ZNF467: variants seen among roughly 807,000 people sequenced by gnomAD.
ZNF467 encodes the protein zinc finger protein EZI.
A neutral mutation model predicts 47.8 loss-of-function variants in ZNF467; 51 were observed. The observed-to-expected ratio is 1.07, with a 90% CI of 0.85 to 1.35. ZNF467 has a LOEUF of 1.35. Among genes scored for constraint, ZNF467 ranks in the 40% most tolerant of loss-of-function variants. The pLI, the probability that ZNF467 is intolerant of heterozygous loss-of-function variation, is 0.00. For synonymous variants in ZNF467, 416 were observed against 372.9 expected (o/e 1.12, Z -1.33); for missense variants, 992 against 858.1 (o/e 1.16, Z -1.95).
At chr7:149,771,659 C>T (rs1490183931) in intron 1 of ZNF467, among the ~76,000 whole-genome samples, 2 of 152,010 alleles carry the variant, frequency 1.3e-5, no homozygotes, top group South Asian at 4.1e-4. Flanking sequence ...GCCCAAGGCC[C>T]GGACACCGCC....
chr7:149,772,851 AC>A (rs1799469234), intron 1 of ZNF467, among the ~76,000 whole-genome samples: 1 of 40,980 alleles, frequency 2.4e-5, no homozygotes, highest in Admixed American at 2.9e-4. Context: ...CTCCCGCCCG[AC>A]CCCCTCCCAG....
Position 149,766,074 on chromosome 7 carries a change from G to A in ZNF467, c.428C>T (p.Ala143Val), listed in dbSNP as rs1419548864. 6.2e-7 allele frequency: 1 copy of A among 1,609,542 alleles called. No homozygotes were observed. The highest frequency in any genetic ancestry group is 1.7e-5 in the Admixed American group (1 of 59,508). The part of the protein sequence containing the change: ...AYKLEPGAPG[A>V]LSGLALSGWG... ...CCCAGACAGCGCGAGCCCACTCAGT[G>A]CCCCCGGGGCCCCTGGCTCCAGTTT... The change falls in exon 5 of 5, where the codon GCA (alanine) becomes GTA (valine). Residue 143 changes from alanine (A) to valine (V), a missense_variant. By Grantham distance (64) the Ala-to-Val change is moderately conservative. Coordinates refer to ENST00000302017, the MANE Select transcript of ZNF467 (RefSeq NM_207336.3).
Position 149,770,607 on chromosome 7 carries a change from G to A in ZNF467, c.35-51C>T, listed in dbSNP as rs759744215. 8 of 1,484,838 alleles carry A rather than the reference G, an allele frequency of 5.4e-6. No individual in the cohort carries two copies. In the South Asian group the frequency reaches 9.7e-5, roughly 18 times the overall value. The allele number at this position is 1,484,838 out of a possible 1,614,324, so 92.0% of individuals were successfully genotyped here. On this transcript the variant is annotated intron_variant, in intron 2 of 4. Coordinates refer to ENST00000302017, the MANE Select transcript of ZNF467 (RefSeq NM_207336.3). The stretch of plus-strand genomic sequence containing the variant: ...AAGTAAAGCATCCAGTACAGAACAA[G>A]TAATCAGAGGCGGGGGCTGTTCCCC...
At chr7:149,770,076 C>G (rs1041741421) in intron 3 of ZNF467, among the ~76,000 whole-genome samples, 32 of 151,684 alleles carry the variant, frequency 2.1e-4, no homozygotes, top group African/African-American at 7.3e-4. Context: ...CCACCCCCAC[C>G]TGCAGCTGTC....
At chr7:149,775,756 A>ACACACACAC (rs1799557180), upstream of ZNF467, among the ~76,000 whole-genome samples, 1 of 136,074 alleles carries the variant, frequency 7.3e-6, no homozygotes, top group African/African-American at 2.8e-5. Flanking sequence ...CACACACACA[A>ACACACACAC]AGGGAAACAG....
chr7:149,766,299 C>T (rs1799219245), intron 4 of ZNF467, 60 bp from the exon 5 acceptor site: 3 of 1,508,090 alleles, frequency 2.0e-6, no homozygotes, highest in Non-Finnish European at 2.7e-6. Context: ...TCTATTTAAC[C>T]ACAGGATCTC....
At position 149,766,994 on chromosome 7, in the gene ZNF467, C is replaced by T. The variant is rs369052422; in HGVS notation, c.263-755G>A. The stretch of plus-strand genomic sequence containing the variant: ...AAACAGGGAAGGCCCTCTAGGGAAG[C>T]CTCAGCCTAAGGGCAGGTTGCAGGG... On this transcript the variant is annotated intron_variant, in intron 4 of 4. Coordinates refer to ENST00000302017, the MANE Select transcript of ZNF467 (RefSeq NM_207336.3). 2.3e-3 allele frequency among the ~76,000 whole-genome samples: 351 copies of T among 152,298 alleles called. 4 individuals carry two copies. In the South Asian group the frequency reaches 0.03, roughly 13 times the overall value.
upstream of ZNF467, chr7:149,776,449 G>C (rs747290091): frequency 1.5e-6 from 2 of 1,344,602 alleles, no homozygotes; most frequent in African/African-American, 3.0e-5. Context: ...CAGCCGCCTG[G>C]GCTGGCGGCT....
Position 149,765,398 on chromosome 7 carries a change from CT to C in ZNF467, c.1103del (p.Lys368ArgfsTer163). The C allele has an allele frequency of 1.3e-6, 2 of 1,570,474 alleles. No homozygotes were observed. The highest frequency in any genetic ancestry group is 1.9e-5 in the Admixed American group (1 of 53,052). ...SDCGLSFGWK[K>X]NLATHQCLHR... ...GCAGACACTGGTGCGTGGCGAGGTT[CT>C]TTTTCCAGCCGAAGCTCAAGCCGCA... On this transcript the variant is annotated frameshift_variant, in exon 5 of 5. Transcript: ENST00000302017. LOFTEE classifies it high-confidence loss of function.
chr7:149,776,134 C>T (rs746919361), upstream of ZNF467: 27 of 1,332,554 alleles, frequency 2.0e-5, no homozygotes, highest in Middle Eastern at 8.5e-4. Flanking sequence ...GGTCCTCCTT[C>T]TGCCGCATGC....
upstream of ZNF467, among the ~76,000 whole-genome samples, chr7:149,775,125 G>A (rs1054892781): frequency 6.6e-6 from 1 of 152,094 alleles, no homozygotes; most frequent in African/African-American, 2.4e-5. Flanking sequence ...CTGCCCCAGG[G>A]CTGGGGGAGC....
At chr7:149,774,250 C>T (rs1164139490), upstream of ZNF467, among the ~76,000 whole-genome samples, 1 of 152,188 alleles carries the variant, frequency 6.6e-6, no homozygotes, top group African/African-American at 2.4e-5. The surrounding 1 kb of genome is among the most constrained non-coding windows in gnomAD (Gnocchi z 5.7). Context: ...CTCGCCCTCC[C>T]TGCCCAGGTT....
chr7:149,775,403 G>A (rs1299301048), upstream of ZNF467, among the ~76,000 whole-genome samples: 5 of 152,148 alleles, frequency 3.3e-5, no homozygotes, highest in Non-Finnish European at 7.3e-5. Flanking sequence ...AGAGAGGGGC[G>A]GGAGGCAGGG....
Position 149,764,340 on chromosome 7 carries a change from A to C in ZNF467, c.*374T>G. 1.9e-6 allele frequency: 1 copy of C among 531,302 alleles called. No homozygotes were observed. Among genetic ancestry groups the C allele is most frequent in the Non-Finnish European group, 3.3e-6 (1 of 302,680 alleles). The allele number at this position is 531,302 out of a possible 1,614,324, so 32.9% of individuals were successfully genotyped here. On this transcript the variant is annotated 3_prime_UTR_variant, in exon 5 of 5. Transcript: ENST00000302017. ...AGGAGAGTCAGGTGTTCCCTCCCCC[A>C]ATTCATTTAGCAGCCCCAGAACTTT...
At chr7:149,767,406 G>C (rs867766020) in intron 4 of ZNF467, among the ~76,000 whole-genome samples, 3 of 152,214 alleles carry the variant, frequency 2.0e-5, no homozygotes, top group Non-Finnish European at 4.4e-5. Context: ...TCCATCACAC[G>C]TGGACTTCCA....
rs914704131 is a variant in ZNF467, at chr7:149,766,351, A to G, written c.263-112T>C. 2.7e-6 allele frequency: 4 copies of G among 1,458,786 alleles called. No individual in the cohort carries two copies. In the African/African-American group the frequency reaches 4.3e-5, roughly 16 times the overall value. The allele number at this position is 1,458,786 out of a possible 1,614,324, so 90.4% of individuals were successfully genotyped here. ...GCGGTCTGGCTCTGCTCTCCACTCT[A>G]CCTAACGCTTCCCGGGAGTGACCAA... On this transcript the variant is annotated intron_variant, in intron 4 of 4. Transcript: ENST00000302017.
Position 149,765,239 on chromosome 7 carries a change from G to T in ZNF467, c.1263C>A (p.Pro421=). ...GCGPGSDPVV[P]QRAPSGERSF... ...ACCGCTCGCCCGAGGGGGCGCGCTG[G>T]GGCACCACGGGATCGGATCCTGGGC... Residue 421 remains proline (P), a synonymous_variant, in exon 5 of 5, where the codon CCC becomes CCA. Coordinates refer to ENST00000302017, the MANE Select transcript of ZNF467 (RefSeq NM_207336.3). The T allele has an allele frequency of 1.4e-6, 2 of 1,470,908 alleles. No individual in the cohort carries two copies. Among genetic ancestry groups the T allele is most frequent in the Non-Finnish European group, 1.8e-6 (2 of 1,113,826 alleles). 91.1% of individuals were successfully genotyped at this position (1,470,908 alleles called of 1,614,324 possible). A position where few individuals can be genotyped will look rare whatever the true frequency, so the allele number is the denominator to read the frequency against.
intron 1 of ZNF467, among the ~76,000 whole-genome samples, chr7:149,772,022 G>T (rs1325460534): frequency 1.1e-3 from 68 of 63,648 alleles, no homozygotes; most frequent in Middle Eastern, 0.015. Flanking sequence ...GTTCTCCCCC[G>T]CTCCATCTCC....
In ZNF467 at chr7:149,771,073, A is replaced by G. The variant is rs1435937939; in HGVS notation, c.-41T>C. The G allele has an allele frequency of 6.2e-7, 1 of 1,613,670 alleles. No individual in the cohort carries two copies. Among genetic ancestry groups the G allele is most frequent in the Non-Finnish European group, 8.5e-7 (1 of 1,179,774 alleles). ...CTCCTCCTGGGGATCAGGCCACAGA[A>G]CCTATGGAGAAAAGACAGCCTTGTT... On this transcript the variant is annotated splice_region_variant and 5_prime_UTR_variant, in exon 2 of 5. Coordinates refer to ENST00000302017, the MANE Select transcript of ZNF467 (RefSeq NM_207336.3).
Sources: allele counts gnomAD v4.1 joint callset (sites outside exome capture counted in the v4.1 genomes callset), GRCh38; gene constraint gnomAD v4.1.1; non-coding constraint Gnocchi (gnomAD v3.1); transcripts MANE v1.5; gene names NCBI Gene and HGNC (gene_info 2026-07-23, HGNC 2026-07-21).